The following BABAM2 variants were observed in gnomAD, a reference collection of about 807,000 sequenced individuals.
BABAM2 encodes BRISC and BRCA1 A complex member 2.
A neutral mutation model predicts 54.7 loss-of-function variants in BABAM2; 31 were observed. The observed-to-expected ratio is 0.57, with a 90% CI of 0.43 to 0.77. BABAM2 has a LOEUF of 0.77. Among genes scored for constraint, BABAM2 ranks in the 30% least tolerant of loss-of-function variants. The probability of loss-of-function intolerance (pLI) is 0.00; values close to 1 mark genes in which losing one functional copy is unlikely to be tolerated. For synonymous variants in BABAM2, 167 were observed against 162.9 expected, an observed-to-expected ratio of 1.03 and a Z score of -0.19; for missense variants, 364 against 455.8, an observed-to-expected ratio of 0.80 and a Z score of 1.83.
intron 3 of BABAM2, among the ~76,000 whole-genome samples, chr2:27,949,092 C>T (rs1396050298): frequency 6.6e-6 from 1 of 152,196 alleles, no homozygotes; most frequent in African/African-American, 2.4e-5. Context: ...AAGCCACTGT[C>T]ACCATGTCTG....
intron 10 of BABAM2, among the ~76,000 whole-genome samples, chr2:28,254,373 G>A (rs1286331412): frequency 6.6e-6 from 1 of 152,146 alleles, no homozygotes; most frequent in East Asian, 1.9e-4. Context: ...CTGACCTCAG[G>A]TGATCCTCCC....
chr2:28,139,886 C>G (rs1670893991), intron 7 of BABAM2, among the ~76,000 whole-genome samples: 2 of 152,230 alleles, frequency 1.3e-5, no homozygotes, highest in African/African-American at 2.4e-5. Flanking sequence ...GGTAACTGGT[C>G]TCCCTGCATC....
intron 6 of BABAM2, among the ~76,000 whole-genome samples, chr2:28,063,107 G>T (rs1679033470): frequency 6.6e-6 from 1 of 152,156 alleles, no homozygotes; most frequent in African/African-American, 2.4e-5. Flanking sequence ...TAAGAACTGG[G>T]TATGTGATCT....
intron 5 of BABAM2, among the ~76,000 whole-genome samples, chr2:28,026,971 A>AAT (rs1200500932): frequency 3.5e-5 from 3 of 86,912 alleles, no homozygotes; most frequent in Non-Finnish European, 3.8e-5. Flanking sequence ...TATATATATA[A>AAT]ATATATAAAT....
At chr2:28,138,763 C>T (rs981373256) in intron 7 of BABAM2, among the ~76,000 whole-genome samples, 1 of 152,168 alleles carries the variant, frequency 6.6e-6, no homozygotes, top group Non-Finnish European at 1.5e-5. Context: ...TGACCTCTTG[C>T]TATTGCTTCC....
At chr2:28,027,992 CAT>C (rs949419280) in intron 5 of BABAM2, among the ~76,000 whole-genome samples, 16 of 152,230 alleles carry the variant, frequency 1.1e-4, no homozygotes, top group Non-Finnish European at 2.1e-4. Context: ...CATTTATTAT[CAT>C]AGTTTTTGGC....
chr2:28,129,014 C>T (rs6712135), intron 6 of BABAM2, among the ~76,000 whole-genome samples: 37,253 of 152,086 alleles, frequency 0.24, 4,774 homozygotes, highest in South Asian at 0.47. Context: ...TACCCGCCCC[C>T]TACCTCCTGA....
chr2:28,221,303 C>G (rs938066654), intron 7 of BABAM2, among the ~76,000 whole-genome samples: 2 of 152,222 alleles, frequency 1.3e-5, no homozygotes, highest in African/African-American at 4.8e-5. Flanking sequence ...TGGTGCCACC[C>G]TCTTCCTTGG....
intron 10 of BABAM2, among the ~76,000 whole-genome samples, chr2:28,248,653 G>A (rs1158834828): frequency 6.6e-6 from 1 of 152,206 alleles, no homozygotes; most frequent in Non-Finnish European, 1.5e-5. Flanking sequence ...ACACAAGGAG[G>A]CAGCTGTCTA....
intron 11 of BABAM2, among the ~76,000 whole-genome samples, chr2:28,315,248 GT>G (rs905721402): frequency 6.6e-6 from 1 of 152,048 alleles, no homozygotes; most frequent in Non-Finnish European, 1.5e-5. Context: ...TTGTTTGTTT[GT>G]TTGTTTGTTT....
intron 5 of BABAM2, among the ~76,000 whole-genome samples, chr2:28,026,929 TA>T (rs1675852029): frequency 7.5e-5 from 1 of 13,250 alleles, no homozygotes; most frequent in African/African-American, 1.8e-4. Flanking sequence ...TATATATAAA[TA>T]TATATATAAA....
chr2:27,926,775 TAGAG>T (rs1169318399), intron 2 of BABAM2, among the ~76,000 whole-genome samples: 1 of 152,068 alleles, frequency 6.6e-6, no homozygotes, highest in Non-Finnish European at 1.5e-5. Flanking sequence ...AACACAGAGA[TAGAG>T]AAATATTTTT....
At chr2:28,250,023 G>A (rs765290935) in intron 10 of BABAM2, among the ~76,000 whole-genome samples, 36 of 152,136 alleles carry the variant, frequency 2.4e-4, no homozygotes, top group South Asian at 6.2e-4. Context: ...GACAAATAGC[G>A]TGATGGAACA....
intron 10 of BABAM2, among the ~76,000 whole-genome samples, chr2:28,251,424 G>A (rs539274278): frequency 2.0e-5 from 3 of 152,108 alleles, no homozygotes; most frequent in Non-Finnish European, 2.9e-5. Context: ...TGCTTCTGCC[G>A]AGCTCTGATT....
chr2:28,041,464 G>T (rs1677092577), intron 5 of BABAM2, among the ~76,000 whole-genome samples: 1 of 152,142 alleles, frequency 6.6e-6, no homozygotes, highest in Non-Finnish European at 1.5e-5. Context: ...CTTCACAGTT[G>T]TTCCACATAG....
At chr2:28,054,316 T>C (rs906350220) in intron 6 of BABAM2, among the ~76,000 whole-genome samples, 1 of 152,162 alleles carries the variant, frequency 6.6e-6, no homozygotes, top group African/African-American at 2.4e-5. Flanking sequence ...CTACCCTTTT[T>C]TTAACCTTCC....
At chr2:27,943,866 C>T (rs762839946) in intron 3 of BABAM2, among the ~76,000 whole-genome samples, 4 of 152,150 alleles carry the variant, frequency 2.6e-5, no homozygotes, top group Non-Finnish European at 2.9e-5. Context: ...CATTGAAAGG[C>T]AAGTAAAGAG....
chr2:28,041,216 T>C (rs368775913), intron 5 of BABAM2, among the ~76,000 whole-genome samples: 2 of 152,242 alleles, frequency 1.3e-5, no homozygotes, highest in Non-Finnish European at 1.5e-5. Flanking sequence ...CATATATATA[T>C]ACACACCTCT....
At chr2:27,942,385 G>C (rs1236232957) in intron 3 of BABAM2, among the ~76,000 whole-genome samples, 5 of 151,864 alleles carry the variant, frequency 3.3e-5, no homozygotes, top group Non-Finnish European at 7.4e-5. Context: ...TTTTGAGACA[G>C]GGTCTCGCCA....
Sources: gnomAD v4.1 joint callset for allele counts (sites outside exome capture counted in the v4.1 genomes callset) on GRCh38, gnomAD v4.1.1 for gene constraint, MANE v1.5 for transcripts, NCBI Gene and HGNC (gene_info 2026-07-23, HGNC 2026-07-21) for gene names.